The following SNX25 variants were observed in gnomAD, a reference collection of about 807,000 sequenced individuals.
SNX25 encodes sorting nexin 25, also known as sorting nexin-25.
In SNX25, 62 loss-of-function variants were observed where a neutral mutation model predicts 113.7. The observed-to-expected ratio is 0.55, with a 90% CI of 0.44 to 0.67. The LOEUF is 0.67. SNX25 is among the 30% of genes least tolerant of loss of function. The pLI, the probability that SNX25 is intolerant of heterozygous loss-of-function variation, is 0.00. For missense variants in SNX25, 1,014 were observed against 1,161.0 expected (o/e 0.87, Z 1.84); for synonymous variants, 421 against 436.2 (o/e 0.97, Z 0.43).
At chr4:185,306,019 A>G (rs1213206713) in intron 6 of SNX25, among the ~76,000 whole-genome samples, 1 of 152,172 alleles carries the variant, frequency 6.6e-6, no homozygotes, top group African/African-American at 2.4e-5. Flanking sequence ...CCAGTTTCTA[A>G]CAATGCACAG....
chr4:185,323,745 T>C lies in SNX25; in HGVS notation c.1694T>C (p.Leu565Ser). 1.2e-6 allele frequency: 2 copies of C among 1,613,702 alleles called. No individual in the cohort carries two copies. Among genetic ancestry groups the C allele is most frequent in the Non-Finnish European group, 1.7e-6 (2 of 1,179,852 alleles). Residue 565 changes from leucine to serine, a missense_variant, in exon 9 of 19, where the codon TTG becomes TCG. By Grantham distance (145) the Leu-to-Ser change is moderately radical (BLOSUM62 -2). Coordinates refer to ENST00000652585, the MANE Select transcript of SNX25 (RefSeq NM_001378034.2). Reference sequence around the variant, plus strand: ...GTCAGTGACCTGTATGAGAAATTGTTGATAAAAGAGGAAGAAAAACATGCC... The same window carrying C: ...GTCAGTGACCTGTATGAGAAATTGTCGATAAAAGAGGAAGAAAAACATGCC... ...FIVSDLYEKL[L>S]IKEEEKHASQ... is the part of the protein sequence containing the mutation.
At chr4:185,336,209 T>A (rs1267659991) in intron 10 of SNX25, among the ~76,000 whole-genome samples, 1 of 152,208 alleles carries the variant, frequency 6.6e-6, no homozygotes. Context: ...AGGGAGCAGG[T>A]GGTGTTTGGT....
In SNX25 at chr4:185,362,729, CA is replaced by C. The variant is rs760229010; in HGVS notation, c.2934+19del. On this transcript the variant is annotated intron_variant, in intron 18 of 18. Coordinates refer to ENST00000652585, the MANE Select transcript of SNX25 (RefSeq NM_001378034.2). ...TGTTATATGTGAGTAAATTAAAGCC[CA>C]GGGGGTTTCCTGCTTTATTTTTGTC... The C allele has an allele frequency of 7.5e-6, 12 of 1,592,414 alleles. No homozygotes were observed. The highest frequency in any genetic ancestry group is 1.7e-4 in the Middle Eastern group (1 of 5,986).
Position 185,287,920 on chromosome 4 carries a change from C to A in SNX25, c.1092-92C>A, listed in dbSNP as rs576532353. On this transcript the variant is annotated intron_variant, in intron 5 of 18. Coordinates refer to ENST00000652585, the MANE Select transcript of SNX25 (RefSeq NM_001378034.2). ...GGCAGGATTCACAGCTCCTGTGTTA[C>A]ATTTGTTTAGTATAAATACAGTCTA... 6 of 1,008,342 alleles carry A rather than the reference C, an allele frequency of 6.0e-6. No homozygotes were observed. The South Asian group carries it at 8.2e-5, about 14-fold the overall frequency. The allele number at this position is 1,008,342 out of a possible 1,614,324, so 62.5% of individuals were successfully genotyped here.
chr4:185,348,488 G>C (rs1360966130), intron 13 of SNX25, among the ~76,000 whole-genome samples: 2 of 152,082 alleles, frequency 1.3e-5, no homozygotes, highest in African/African-American at 4.8e-5. Context: ...CGCCACCTGG[G>C]TTCAAGCAGT....
At chr4:185,331,368 A>G (rs536257662) in intron 9 of SNX25, among the ~76,000 whole-genome samples, 2 of 152,354 alleles carry the variant, frequency 1.3e-5, no homozygotes, top group South Asian at 4.1e-4. Context: ...TTTGAAGATG[A>G]TAATACCCTC....
intron 5 of SNX25, among the ~76,000 whole-genome samples, chr4:185,286,390 T>C (rs1751355284): frequency 6.6e-6 from 1 of 152,168 alleles, no homozygotes; most frequent in African/African-American, 2.4e-5. Context: ...GGATTACAAG[T>C]GTGAGCCACT....
At chr4:185,338,806 G>A (rs2095245592) in intron 10 of SNX25, among the ~76,000 whole-genome samples, 1 of 151,908 alleles carries the variant, frequency 6.6e-6, no homozygotes, top group African/African-American at 2.4e-5. Flanking sequence ...ATTATTTCTG[G>A]GCTATATTCC....
Position 185,359,042 on chromosome 4 carries a change from C to A in SNX25, c.2651+1305C>A, listed in dbSNP as rs754048899. On this transcript the variant is annotated intron_variant, in intron 16 of 18. Transcript: ENST00000652585. Reference sequence around the variant, plus strand: ...TGGTCAGAAACAAAGTTTACTTCTACTTAAGATTTTAAAAAAAGAGTTTTA... The same window carrying A: ...TGGTCAGAAACAAAGTTTACTTCTAATTAAGATTTTAAAAAAAGAGTTTTA... Among the ~76,000 whole-genome samples, 90 of 152,122 alleles carry A rather than the reference C, an allele frequency of 5.9e-4. 1 individual carries two copies. Among genetic ancestry groups the A allele is most frequent in the Non-Finnish European group, 7.6e-4 (52 of 68,028 alleles).
intron 1 of SNX25, among the ~76,000 whole-genome samples, chr4:185,216,271 G>C (rs1738791191): frequency 6.6e-6 from 1 of 151,972 alleles, no homozygotes. Context: ...ATACACACAT[G>C]TATTCAAAAG....
chr4:185,371,540 T>TAAAA (rs11288148), downstream of SNX25, among the ~76,000 whole-genome samples: 1 of 78,302 alleles, frequency 1.3e-5, no homozygotes, highest in Non-Finnish European at 2.5e-5. Context: ...AGACTCCGTC[T>TAAAA]AAAAAAAAAA....
rs184396294 is a variant in SNX25, at chr4:185,349,927, G to A, written c.2302-1518G>A. On this transcript the variant is annotated intron_variant, in intron 13 of 18. Transcript: ENST00000652585. The stretch of plus-strand genomic sequence containing the variant: ...GATGAGTGAAGGACATCAAGATGGG[G>A]GAGAACATCTCACTACTCCTGATCC... Among the ~76,000 whole-genome samples the A allele has an allele frequency of 2.8e-3, 428 of 152,324 alleles. 1 individual carries two copies. Among genetic ancestry groups the A allele is most frequent in the Admixed American group, 5.7e-3 (87 of 15,306 alleles).
chr4:185,371,696 G>A (rs563754294), downstream of SNX25, among the ~76,000 whole-genome samples: 104 of 152,270 alleles, frequency 6.8e-4, no homozygotes, highest in African/African-American at 2.2e-3. Context: ...GGAAAGCGCC[G>A]AAGATTTTAA....
intron 17 of SNX25, 95 bp from the exon 18 acceptor site, chr4:185,362,516 G>T: frequency 2.4e-6 from 3 of 1,261,016 alleles, no homozygotes; most frequent in South Asian, 3.1e-5. Flanking sequence ...TGTGTTTATT[G>T]ACTGAAGGTG....
intron 1 of SNX25, among the ~76,000 whole-genome samples, chr4:185,239,435 A>G (rs1743264458): frequency 6.6e-6 from 1 of 151,780 alleles, no homozygotes; most frequent in Admixed American, 6.5e-5. Flanking sequence ...GTGAGCTGAG[A>G]TCGCACCGCT....
chr4:185,225,039 A>T (rs369440573), intron 1 of SNX25, among the ~76,000 whole-genome samples: 5 of 151,708 alleles, frequency 3.3e-5, no homozygotes, highest in African/African-American at 9.7e-5. Context: ...CTATGGAAGG[A>T]TCTGAAAAAA....
intron 12 of SNX25, among the ~76,000 whole-genome samples, chr4:185,345,922 A>G (rs1196773422): frequency 6.6e-6 from 1 of 152,050 alleles, no homozygotes; most frequent in African/African-American, 2.4e-5. Flanking sequence ...CAGTGGTGCA[A>G]CATCAGCTCA....
At chr4:185,217,695 T>G (rs969607362) in intron 1 of SNX25, among the ~76,000 whole-genome samples, 3 of 152,220 alleles carry the variant, frequency 2.0e-5, no homozygotes, top group Non-Finnish European at 4.4e-5. Context: ...ATTTTGGGGA[T>G]AGGAAGTGCC....
chr4:185,272,424 C>T (rs1013154914), intron 5 of SNX25, among the ~76,000 whole-genome samples: 11 of 152,180 alleles, frequency 7.2e-5, no homozygotes, highest in East Asian at 3.8e-4. Context: ...TATAAATGCG[C>T]GGACAGCTTG....
Sources: allele counts gnomAD v4.1 joint callset (sites outside exome capture counted in the v4.1 genomes callset), GRCh38; gene constraint gnomAD v4.1.1; transcripts MANE v1.5; gene names NCBI Gene and HGNC (gene_info 2026-07-23, HGNC 2026-07-21).